The following PDZRN4 variants were observed in gnomAD, a reference collection of about 807,000 sequenced individuals.
The protein encoded by PDZRN4 is PDZ domain-containing RING finger protein 4.
A neutral mutation model predicts 99.0 loss-of-function variants in PDZRN4; 70 were observed. The ratio of observed to expected loss-of-function variants is 0.71; its 90% confidence interval spans 0.58 to 0.86. PDZRN4 has a LOEUF of 0.86. Among genes scored for constraint, PDZRN4 ranks in the 40% least tolerant of loss-of-function variants. The probability of loss-of-function intolerance (pLI) is 0.00; values close to 1 mark genes in which losing one functional copy is unlikely to be tolerated. For synonymous variants in PDZRN4, 551 were observed against 501.6 expected (o/e 1.10, Z -1.32); for missense variants, 1,474 against 1,331.2 (o/e 1.11, Z -1.67).
At chr12:41,337,566 G>A (rs905431299) in intron 3 of PDZRN4, among the ~76,000 whole-genome samples, 2 of 152,174 alleles carry the variant, frequency 1.3e-5, no homozygotes, top group Admixed American at 1.3e-4. Context: ...GACTGGAGGA[G>A]CAATGGAGCT....
At position 41,378,414 on chromosome 12, in the gene PDZRN4, G is replaced by T. The variant is rs541424821; in HGVS notation, c.844-128042G>T. Among the ~76,000 whole-genome samples, 25 of 151,810 alleles carry T rather than the reference G, an allele frequency of 1.6e-4. 1 individual carries two copies. In the South Asian group the frequency reaches 3.1e-3, roughly 19 times the overall value. On this transcript the variant is annotated intron_variant, in intron 3 of 9. Coordinates refer to ENST00000402685, the MANE Select transcript of PDZRN4 (RefSeq NM_001164595.2). Reference sequence around the variant, plus strand: ...AGAATTTTTGCATCTGTTCATCAGAGATATTGGCTGGTAATTTTCTTTTCT... The same window carrying T: ...AGAATTTTTGCATCTGTTCATCAGATATATTGGCTGGTAATTTTCTTTTCT...
intron 3 of PDZRN4, among the ~76,000 whole-genome samples, chr12:41,343,192 G>A (rs1951829380): frequency 1.3e-5 from 2 of 151,808 alleles, no homozygotes; most frequent in Admixed American, 6.6e-5. Context: ...TATGCTTCCA[G>A]GAATTTATCC....
chr12:41,411,290 A>C (rs1322129265), intron 3 of PDZRN4, among the ~76,000 whole-genome samples: 1 of 152,072 alleles, frequency 6.6e-6, no homozygotes, highest in East Asian at 1.9e-4. Context: ...TCCTATTTGT[A>C]GTACTAGTCT....
Position 41,194,158 on chromosome 12 carries a change from T to G in PDZRN4, c.813T>G (p.Asp271Glu). Residue 271 changes from aspartate to glutamate, a missense_variant, in exon 3 of 10, where the codon GAT (aspartate) becomes GAG (glutamate). By Grantham distance (45) the Asp-to-Glu change is conservative. Transcript: ENST00000402685. ...ILENGPADRA[D>E]GLEIHDKIME... ...AAAATGGACCTGCTGACAGAGCAGA[T>G]GGCCTGGAGATTCATGACAAAATCA... The G allele has an allele frequency of 6.5e-7, 1 of 1,546,344 alleles. No individual in the cohort carries two copies.
rs910047198 is a variant in PDZRN4 at position 41,567,856 on chromosome 12, A to G, written c.1541A>G (p.Glu514Gly). ...TTAAACTTGGAGATGTTGGAAGAAG[A>G]GCATAATGAAGCAATGCAGCCCACT... ...EELNLEMLEE[E>G]HNEAMQPTAN... Residue 514 changes from glutamate to glycine, a missense_variant, in exon 9 of 10, where the codon GAG (glutamate) becomes GGG (glycine). Coordinates refer to ENST00000402685, the MANE Select transcript of PDZRN4 (RefSeq NM_001164595.2). The G allele has an allele frequency of 1.2e-6, 2 of 1,613,390 alleles. No homozygotes were observed. The highest frequency in any genetic ancestry group is 1.7e-6 in the Non-Finnish European group (2 of 1,179,488).
chr12:41,437,528 A>G (rs1952640670), intron 3 of PDZRN4, among the ~76,000 whole-genome samples: 1 of 152,128 alleles, frequency 6.6e-6, no homozygotes, highest in Non-Finnish European at 1.5e-5. Flanking sequence ...TTGTTTAACC[A>G]CACTACATTT....
At chr12:41,219,908 T>G (rs1407056740) in intron 3 of PDZRN4, among the ~76,000 whole-genome samples, 7 of 152,114 alleles carry the variant, frequency 4.6e-5, no homozygotes, top group Non-Finnish European at 8.8e-5. Flanking sequence ...TTGGCGACTC[T>G]TCTGTGTCAG....
rs193150662 is a variant in PDZRN4, at chr12:41,497,903, A to G, written c.844-8553A>G. ...GAAGCTATTCATCTATCAATTCCTT[A>G]TAATTATTTGTGAACTCTAAATGAT... On this transcript the variant is annotated intron_variant, in intron 3 of 9. Coordinates refer to ENST00000402685, the MANE Select transcript of PDZRN4 (RefSeq NM_001164595.2). 9.2e-4 allele frequency among the ~76,000 whole-genome samples: 140 copies of G among 152,260 alleles called. 1 individual carries two copies. Among genetic ancestry groups the G allele is most frequent in the African/African-American group, 3.2e-3 (132 of 41,566 alleles).
At chr12:41,195,424 G>T (rs1404535828) in intron 3 of PDZRN4, among the ~76,000 whole-genome samples, 1 of 152,016 alleles carries the variant, frequency 6.6e-6, no homozygotes, top group Non-Finnish European at 1.5e-5. Flanking sequence ...TTTAAATAAA[G>T]TTTTAGCTTT....
intron 3 of PDZRN4, among the ~76,000 whole-genome samples, chr12:41,424,331 C>T (rs2120417761): frequency 6.6e-6 from 1 of 152,142 alleles, no homozygotes; most frequent in South Asian, 2.1e-4. Context: ...ATAAAGCTTT[C>T]CTTATGTTGG....
intron 3 of PDZRN4, among the ~76,000 whole-genome samples, chr12:41,349,083 A>G (rs1441355442): frequency 1.3e-5 from 2 of 152,004 alleles, no homozygotes; most frequent in Non-Finnish European, 2.9e-5. Flanking sequence ...ATAAATATTT[A>G]TAAATTTTAA....
intron 3 of PDZRN4, among the ~76,000 whole-genome samples, chr12:41,218,188 C>T (rs1042496711): frequency 1.3e-5 from 2 of 152,070 alleles, no homozygotes; most frequent in Admixed American, 1.3e-4. Flanking sequence ...CAAGTAAAAG[C>T]CTCTTTTCCT....
intron 3 of PDZRN4, among the ~76,000 whole-genome samples, chr12:41,253,305 A>G (rs1252041845): frequency 6.6e-6 from 1 of 152,190 alleles, no homozygotes; most frequent in Non-Finnish European, 1.5e-5. Flanking sequence ...TAGTTTCAGG[A>G]TTAGAATTAA....
chr12:41,315,475 A>T (rs1407097594), intron 3 of PDZRN4, among the ~76,000 whole-genome samples: 1 of 152,190 alleles, frequency 6.6e-6, no homozygotes, highest in Non-Finnish European at 1.5e-5. Context: ...CCTGTTTTTG[A>T]GTAAAATATA....
At chr12:41,455,129 C>G (rs1952807699) in intron 3 of PDZRN4, among the ~76,000 whole-genome samples, 1 of 152,094 alleles carries the variant, frequency 6.6e-6, no homozygotes, top group South Asian at 2.1e-4. Context: ...TATATTCTAT[C>G]CTAACATTTA....
intron 3 of PDZRN4, among the ~76,000 whole-genome samples, chr12:41,220,231 G>T (rs188612706): frequency 4.6e-5 from 7 of 152,090 alleles, no homozygotes; most frequent in Non-Finnish European, 1.0e-4. Context: ...AGTGTCGGCT[G>T]GGTTAGTTTC....
intron 3 of PDZRN4, among the ~76,000 whole-genome samples, chr12:41,230,110 T>C (rs957649902): frequency 2.0e-5 from 3 of 151,952 alleles, no homozygotes; most frequent in African/African-American, 4.8e-5. Context: ...TTGAATATAG[T>C]GGACATTGCT....
At chr12:41,255,426 T>TTTTTG (rs1261125399) in intron 3 of PDZRN4, among the ~76,000 whole-genome samples, 15 of 152,112 alleles carry the variant, frequency 9.9e-5, no homozygotes, top group African/African-American at 1.9e-4. Flanking sequence ...TTTTTTGTTT[T>TTTTTG]TTTTGTTTTG....
chr12:41,276,682 A>G (rs1951351912), intron 3 of PDZRN4, among the ~76,000 whole-genome samples: 1 of 152,170 alleles, frequency 6.6e-6, no homozygotes. Context: ...AGGGCCAGCA[A>G]TCACTATGAG....
Sources: gnomAD v4.1 joint callset for allele counts (sites outside exome capture counted in the v4.1 genomes callset) on GRCh38, gnomAD v4.1.1 for gene constraint, MANE v1.5 for transcripts, NCBI Gene and HGNC (gene_info 2026-07-23, HGNC 2026-07-21) for gene names.